Variants in COG3 observed in about 807,000 individuals in gnomAD.
COG3 encodes the protein component of oligomeric golgi complex 3.
COG3 carries 32 observed loss-of-function variants against 114.1 expected under a neutral mutation model. That is an observed-to-expected ratio of 0.28 (90% CI 0.21 to 0.38). COG3 has a LOEUF of 0.38. COG3 is among the 10% of genes least tolerant of loss of function. The pLI, the probability that COG3 is intolerant of heterozygous loss-of-function variation, is 1.00. For missense variants in COG3, 813 were observed against 973.2 expected, an observed-to-expected ratio of 0.84 and a Z score of 2.19; for synonymous variants, 352 against 365.7, an observed-to-expected ratio of 0.96 and a Z score of 0.43.
In COG3 at chr13:45,465,105, T is replaced by A; in HGVS notation, c.69T>A (p.Ala23=). The part of the protein sequence containing the change: ...AAERDAREKL[A]LWDRRPDTTA... ...AGCGGGACGCTAGGGAAAAGCTGGC[T>A]CTCTGGGATCGGAGACCGGACACGA... The change falls in exon 1 of 23, where the codon GCT becomes GCA. Residue 23 remains alanine (A), a synonymous_variant. Transcript: ENST00000349995. 6.2e-7 allele frequency: 1 copy of A among 1,612,574 alleles called. No homozygotes were observed. Among genetic ancestry groups the A allele is most frequent in the Non-Finnish European group, 8.5e-7 (1 of 1,179,698 alleles).
intron 22 of COG3, among the ~76,000 whole-genome samples, chr13:45,533,312 TG>T (rs1873333465): frequency 6.6e-6 from 1 of 152,224 alleles, no homozygotes; most frequent in Admixed American, 6.5e-5. Flanking sequence ...ACATTATTTT[TG>T]TAAGTTTAGT....
intron 1 of COG3, among the ~76,000 whole-genome samples, chr13:45,475,862 G>A (rs1466505190): frequency 6.6e-6 from 1 of 151,742 alleles, no homozygotes; most frequent in Non-Finnish European, 1.5e-5. Context: ...GCTACTTGGA[G>A]ATTGAGGTGG....
intron 16 of COG3, among the ~76,000 whole-genome samples, chr13:45,513,253 A>AATATATACATATAAATTATACAT (rs1283820939): frequency 3.5e-5 from 2 of 56,944 alleles, no homozygotes; most frequent in African/African-American, 6.7e-5. Flanking sequence ...TTATACATAT[A>AATATATACATATAAATTATACAT]ATATATACAT....
chr13:45,507,950 TC>T (rs1186909312), intron 14 of COG3, among the ~76,000 whole-genome samples: 5 of 150,880 alleles, frequency 3.3e-5, no homozygotes, highest in Non-Finnish European at 7.4e-5. Flanking sequence ...GAGCCTGTGA[TC>T]CCAGCTACTC....
chr13:45,470,405 A>G (rs1885403023), intron 1 of COG3, among the ~76,000 whole-genome samples: 1 of 152,244 alleles, frequency 6.6e-6, no homozygotes, highest in South Asian at 2.1e-4. Flanking sequence ...AGCTCTATGT[A>G]TTATAAATGA....
chr13:45,475,509 G>A (rs1374158640), intron 1 of COG3, among the ~76,000 whole-genome samples: 1 of 152,128 alleles, frequency 6.6e-6, no homozygotes, highest in African/African-American at 2.4e-5. Context: ...CGGTCATTGG[G>A]TGTGATTTGT....
chr13:45,476,057 C>G (rs1186054830), intron 1 of COG3, 144 bp from the exon 2 acceptor site: 1 of 705,514 alleles, frequency 1.4e-6, no homozygotes, highest in South Asian at 1.7e-5. Context: ...AATGTTAGTA[C>G]TATATAGTAT....
At chr13:45,520,143 G>A (rs1048764355) in intron 19 of COG3, among the ~76,000 whole-genome samples, 3 of 152,004 alleles carry the variant, frequency 2.0e-5, no homozygotes, top group Admixed American at 2.0e-4. Flanking sequence ...AACAAAATTA[G>A]CCATGTGTAG....
chr13:45,513,058 C>A (rs1241646759), intron 16 of COG3, among the ~76,000 whole-genome samples: 2 of 151,218 alleles, frequency 1.3e-5, no homozygotes, highest in African/African-American at 2.4e-5. Flanking sequence ...TCTTAAAATA[C>A]CTGTCACCTA....
At chr13:45,481,937 T>C (rs1160632637) in intron 5 of COG3, among the ~76,000 whole-genome samples, 1 of 152,170 alleles carries the variant, frequency 6.6e-6, no homozygotes, top group Non-Finnish European at 1.5e-5. Flanking sequence ...GGATAAGAAA[T>C]GATTGACTGG....
chr13:45,482,526 T>C (rs1006502451), intron 6 of COG3, 53 bp downstream of exon 6: 5 of 842,396 alleles, frequency 5.9e-6, no homozygotes, highest in Non-Finnish European at 7.6e-6. Flanking sequence ...TTCCTATTCC[T>C]GTTCCTATCT....
intron 16 of COG3, among the ~76,000 whole-genome samples, chr13:45,515,337 C>T (rs1429463493): frequency 6.6e-6 from 1 of 152,132 alleles, no homozygotes; most frequent in Non-Finnish European, 1.5e-5. Context: ...ATTTATATTG[C>T]TTACTGAAAG....
chr13:45,502,347 ATTT>A (rs1869631314), intron 13 of COG3, among the ~76,000 whole-genome samples: 1 of 152,156 alleles, frequency 6.6e-6, no homozygotes, highest in Non-Finnish European at 1.5e-5. Flanking sequence ...TCCCAGTGTA[ATTT>A]AGTGGTATAT....
rs1008965274 is a variant in COG3 at position 45,480,356 on chromosome 13, T to C, written c.549+66T>C. On this transcript the variant is annotated intron_variant, in intron 4 of 22. Transcript: ENST00000349995. ...TATTTTAAAATAGATGAATACAGTT[T>C]TATTTTAATTTTCTTAATTTCTCCA... The C allele has an allele frequency of 4.5e-5, 50 of 1,106,776 alleles. No homozygotes were observed. The African/African-American group carries it at 7.1e-4, about 16-fold the overall frequency. 68.6% of individuals were successfully genotyped at this position (1,106,776 alleles called of 1,614,324 possible).
chr13:45,500,966 A>G (rs753396106), intron 13 of COG3, among the ~76,000 whole-genome samples: 22 of 152,274 alleles, frequency 1.4e-4, no homozygotes, highest in Middle Eastern at 3.4e-3. Context: ...TGTTATCCTT[A>G]TGATTAGACT....
intron 15 of COG3, among the ~76,000 whole-genome samples, chr13:45,510,024 C>T (rs192397663): frequency 2.7e-4 from 41 of 152,218 alleles, no homozygotes; most frequent in African/African-American, 9.2e-4. Context: ...TTTGGGGAGT[C>T]TATGGACACC....
chr13:45,496,999 C>A (rs954742236), intron 13 of COG3, among the ~76,000 whole-genome samples: 2 of 152,226 alleles, frequency 1.3e-5, no homozygotes, highest in African/African-American at 4.8e-5. Context: ...TATAAACATT[C>A]TATTCCATTC....
chr13:45,507,543 TCACC>T (rs1870297119), intron 14 of COG3, among the ~76,000 whole-genome samples: 1 of 152,098 alleles, frequency 6.6e-6, no homozygotes, highest in African/African-American at 2.4e-5. Context: ...GGTGGGCAGA[TCACC>T]CACGGTCAGG....
rs185741351 is a variant in COG3 at position 45,470,515 on chromosome 13, G to T, written c.174+5305G>T. Among the ~76,000 whole-genome samples, 4 of 152,312 alleles carry T rather than the reference G, an allele frequency of 2.6e-5. No homozygotes were observed. In the East Asian group the frequency reaches 5.8e-4, roughly 22 times the overall value. ...TGTAAGGCCTCATGAACTCTGATGG[G>T]AGAATATGATTATTACATTACTTAT... is the stretch of plus-strand genomic sequence containing the variant. On this transcript the variant is annotated intron_variant, in intron 1 of 22. Transcript: ENST00000349995.
Sources: allele counts gnomAD v4.1 joint callset (sites outside exome capture counted in the v4.1 genomes callset), GRCh38; gene constraint gnomAD v4.1.1; transcripts MANE v1.5; gene names NCBI Gene and HGNC (gene_info 2026-07-23, HGNC 2026-07-21).